The following PFKFB3 variants were observed in gnomAD, a reference collection of about 807,000 sequenced individuals.
The protein encoded by PFKFB3 is 6-phosphofructo-2-kinase/fructose-2,6-biphosphatase 3.
In PFKFB3, 33 loss-of-function variants were observed where a neutral mutation model predicts 68.0. The observed-to-expected ratio is 0.49, with a 90% CI of 0.37 to 0.65. PFKFB3 has a LOEUF of 0.65. Ranked by LOEUF, PFKFB3 falls within the 30% of genes least tolerant of loss-of-function variation. The probability of loss-of-function intolerance (pLI) is 0.00; values close to 1 mark genes in which losing one functional copy is unlikely to be tolerated. For synonymous variants in PFKFB3, 315 were observed against 288.2 expected (o/e 1.09, Z -0.94); for missense variants, 586 against 712.2 (o/e 0.82, Z 2.02).
At chr10:6,199,397 C>T (rs902571089), upstream of PFKFB3, among the ~76,000 whole-genome samples, 3 of 152,018 alleles carry the variant, frequency 2.0e-5, no homozygotes, top group African/African-American at 4.8e-5. Flanking sequence ...CAAAGGTGAT[C>T]CTGGAGAAAA....
intron 10 of PFKFB3, among the ~76,000 whole-genome samples, chr10:6,221,954 C>T (rs1844994110): frequency 1.3e-5 from 2 of 152,160 alleles, no homozygotes; most frequent in African/African-American, 4.8e-5. Context: ...ATGTGTTTCC[C>T]TAGGGACATA....
downstream of PFKFB3, among the ~76,000 whole-genome samples, chr10:6,240,252 A>ATTTAT (rs55750985): frequency 0.86 from 130,888 of 151,522 alleles, 57,246 homozygotes; most frequent in Middle Eastern, 0.93. Context: ...TTTTGAAATA[A>ATTTAT]TTTATTTTAT....
chr10:6,278,664 A>G, the PFKFB3 span, among the ~76,000 whole-genome samples: 2 of 152,218 alleles, frequency 1.3e-5, no homozygotes, highest in Non-Finnish European at 2.9e-5. Context: ...AGCCATCTGC[A>G]TAGCCATTTT....
intron 14 of PFKFB3, among the ~76,000 whole-genome samples, chr10:6,230,558 G>A (rs1407557388): frequency 3.3e-5 from 5 of 152,080 alleles, no homozygotes; most frequent in African/African-American, 9.7e-5. Context: ...TATCAGGGAG[G>A]AACTTGGTGC....
chr10:6,281,051 G>A, the PFKFB3 span, among the ~76,000 whole-genome samples: 3 of 150,624 alleles, frequency 2.0e-5, no homozygotes, highest in South Asian at 4.2e-4. Flanking sequence ...GAGAACATGC[G>A]ATGTTTGGTT....
intron 1 of PFKFB3, among the ~76,000 whole-genome samples, chr10:6,180,186 A>G (rs913652562): frequency 2.7e-5 from 4 of 149,866 alleles, no homozygotes; most frequent in Non-Finnish European, 5.9e-5. Flanking sequence ...TAAAAGAAAA[A>G]AAAAATGCTG....
At chr10:6,177,384 CTT>C (rs1297789274) in intron 1 of PFKFB3, among the ~76,000 whole-genome samples, 1 of 111,748 alleles carries the variant, frequency 8.9e-6, no homozygotes, top group East Asian at 2.2e-4. Flanking sequence ...TTCTTTCTTT[CTT>C]TCTTTCTTTC....
chr10:6,161,124 C>G (rs1027877251), intron 1 of PFKFB3, among the ~76,000 whole-genome samples: 63 of 151,924 alleles, frequency 4.1e-4, no homozygotes, highest in Admixed American at 4.1e-3. Context: ...TTAGTAGAGA[C>G]GGGGTTTCAC....
chr10:6,219,336 C>T (rs1440066898), intron 6 of PFKFB3, among the ~76,000 whole-genome samples: 94 of 152,194 alleles, frequency 6.2e-4, no homozygotes, highest in Non-Finnish European at 1.5e-4. Flanking sequence ...TGTGGGTTTC[C>T]TGTCTCTGTC....
chr10:6,326,566 A>G, the PFKFB3 span: 4 of 455,894 alleles, frequency 8.8e-6, no homozygotes, highest in Non-Finnish European at 1.8e-5. Context: ...ACCAGTAAGG[A>G]GCTCCACCGT....
chr10:6,229,507 T>G lies in PFKFB3; in HGVS notation c.1515+3142T>G, dbSNP rs143754734. Among the ~76,000 whole-genome samples, 22 of 152,280 alleles carry G rather than the reference T, an allele frequency of 1.4e-4. No individual in the cohort carries two copies. The East Asian group carries it at 4.1e-3, about 28-fold the overall frequency. On this transcript the variant is annotated intron_variant, in intron 14 of 14. Coordinates refer to ENST00000379775, the MANE Select transcript of PFKFB3 (RefSeq NM_004566.4). This position sits in a 1 kb window ranked among gnomAD's most constrained non-coding sequence, Gnocchi z 4.3. Reference sequence around the variant, plus strand: ...CATGGGCAGCTGTTGGACCCTCGTGTACCCCCACAGCCACCCCCTTGCAGC... The same window carrying G: ...CATGGGCAGCTGTTGGACCCTCGTGGACCCCCACAGCCACCCCCTTGCAGC...
chr10:6,286,171 G>A, the PFKFB3 span, among the ~76,000 whole-genome samples: 2,723 of 151,800 alleles, frequency 0.018, 87 homozygotes, highest in African/African-American at 0.062. Context: ...TAGAGGCAGG[G>A]TTTCACTGTG....
intron 1 of PFKFB3, among the ~76,000 whole-genome samples, chr10:6,185,839 C>T (rs559411091): frequency 1.5e-3 from 232 of 152,168 alleles, no homozygotes; most frequent in African/African-American, 5.4e-3. Context: ...AGGGTTTCGC[C>T]ATGTTGGCCA....
downstream of PFKFB3, among the ~76,000 whole-genome samples, chr10:6,258,820 G>C (rs972838870): frequency 3.3e-5 from 5 of 152,172 alleles, no homozygotes; most frequent in Non-Finnish European, 7.4e-5. Flanking sequence ...CTTGGTGGTA[G>C]GTTAGAGATC....
At chr10:6,179,970 A>G (rs665291) in intron 1 of PFKFB3, among the ~76,000 whole-genome samples, 94,944 of 151,940 alleles carry the variant, frequency 0.62, 32,108 homozygotes, top group Non-Finnish European at 0.77. Flanking sequence ...GATCCTGGTG[A>G]CAGGATCCAG....
At chr10:6,223,928 C>G (rs776272385) in intron 11 of PFKFB3, 30 bp from the exon 12 acceptor site, 2 of 1,605,136 alleles carry the variant, frequency 1.2e-6, no homozygotes, top group Non-Finnish European at 1.7e-6. Flanking sequence ...TGTCTCATTT[C>G]TAACTGTGGG....
chr10:6,179,948 C>T (rs1268149166), intron 1 of PFKFB3, among the ~76,000 whole-genome samples: 2 of 152,246 alleles, frequency 1.3e-5, no homozygotes, highest in Non-Finnish European at 2.9e-5. Flanking sequence ...CTGACAAACG[C>T]CCGGTGAGGT....
chr10:6,302,362 GTTTTTTTTTTTTTTTTTTT>G, the PFKFB3 span, among the ~76,000 whole-genome samples: 2 of 78,494 alleles, frequency 2.5e-5, no homozygotes, highest in Non-Finnish European at 4.4e-5. Context: ...TGCCTGGCCA[GTTTTTTTTTTTTTTTTTTT>G]TTTTTTTTTT....
Position 6,228,706 on chromosome 10 carries a change from G to GC in PFKFB3, c.1515+2343dup, listed in dbSNP as rs1748457712. 6.6e-6 allele frequency among the ~76,000 whole-genome samples: 1 copy of GC among 152,002 alleles called. No individual in the cohort carries two copies. ...TGGGGAATAGTGGGAGTGTGGTGGG[G>GC]CCTGAGCTCTGAGCCTCTCCCTCCC... On this transcript the variant is annotated intron_variant, in intron 14 of 14. Transcript: ENST00000379775. This position sits in a 1 kb window ranked among gnomAD's most constrained non-coding sequence, Gnocchi z 4.5.
Sources: allele counts gnomAD v4.1 joint callset (sites outside exome capture counted in the v4.1 genomes callset), GRCh38; gene constraint gnomAD v4.1.1; non-coding constraint Gnocchi (gnomAD v3.1); transcripts MANE v1.5; gene names NCBI Gene and HGNC (gene_info 2026-07-23, HGNC 2026-07-21).